The following KMT2C variants were observed in gnomAD, a reference collection of about 807,000 sequenced individuals.
The protein encoded by KMT2C is lysine methyltransferase 2C, also known as histone-lysine N-methyltransferase 2C.
KMT2C carries 88 observed loss-of-function variants against 507.9 expected under a neutral mutation model. The ratio of observed to expected loss-of-function variants is 0.17; its 90% CI spans 0.15 to 0.21. The LOEUF (loss-of-function observed/expected upper bound fraction) is 0.21, where lower values mean the gene tolerates loss of function less well. Ranked by LOEUF, KMT2C falls within the 10% of genes least tolerant of loss-of-function variation. The pLI is 1.00. For missense variants in KMT2C, 4,954 were observed against 5,957.8 expected, an observed-to-expected ratio of 0.83 and a Z score of 5.55; for synonymous variants, 2,049 against 2,080.8, an observed-to-expected ratio of 0.98 and a Z score of 0.42.
In KMT2C at chr7:152,138,795, C is replaced by T. The variant is rs747228358; in HGVS notation, c.14643+1G>A. 1 of 1,585,636 alleles carries T rather than the reference C, an allele frequency of 6.3e-7. No homozygotes were observed. The highest frequency in any genetic ancestry group is 8.6e-7 in the Non-Finnish European group (1 of 1,159,156). On this transcript the variant is annotated splice_donor_variant, in intron 58 of 58. Coordinates refer to ENST00000262189, the MANE Select transcript of KMT2C (RefSeq NM_170606.3). LOFTEE classifies it high-confidence loss of function. This position sits in a 1 kb window ranked among gnomAD's most constrained non-coding sequence, Gnocchi z 4.2. Reference sequence around the variant, plus strand: ...GCAGATGCAATCTCTCACACTCTTACCTCTTCTCCTTTCTGGATTCTCCGA... The same window carrying T: ...GCAGATGCAATCTCTCACACTCTTATCTCTTCTCCTTTCTGGATTCTCCGA...
rs58525872 is a variant in KMT2C, at chr7:152,188,624, TG to T, written c.4661-778del. On this transcript the variant is annotated intron_variant, in intron 31 of 58. Transcript: ENST00000262189. The stretch of plus-strand genomic sequence containing the variant: ...TCTTTCCTTTTTTTTTTTTTTTTTT[TG>T]TTTTTGAGATGGAGTCTCACTCTGT... Among the ~76,000 whole-genome samples, 980 of 128,458 alleles carry T rather than the reference TG, an allele frequency of 7.6e-3. 130 individuals are homozygous for T. Among genetic ancestry groups the T allele is most frequent in the African/African-American group, 0.031 (799 of 25,784 alleles). The allele number at this position is 128,458 out of a possible 152,430, so 84.3% of individuals were successfully genotyped here. A position where few individuals can be genotyped will look rare whatever the true frequency, so the allele number is the denominator to read the frequency against.
At chr7:152,353,192 A>T (rs181606414) in intron 2 of KMT2C, among the ~76,000 whole-genome samples, 4 of 152,154 alleles carry the variant, frequency 2.6e-5, no homozygotes, top group Non-Finnish European at 5.9e-5. Context: ...TGGGATGCCA[A>T]GGCAGGTGGA....
At chr7:152,435,122 A>G (rs764129947) in intron 1 of KMT2C, among the ~76,000 whole-genome samples, 10 of 152,092 alleles carry the variant, frequency 6.6e-5, no homozygotes, top group Non-Finnish European at 1.2e-4. Flanking sequence ...CTGACAAACA[A>G]AAGCTGCACT....
At chr7:152,195,518 T>C (rs1383703081) in intron 28 of KMT2C, 2 of 984,510 alleles carry the variant, frequency 2.0e-6, no homozygotes, top group Non-Finnish European at 2.4e-6. Flanking sequence ...GCTCAGTTTC[T>C]TACCAAATGG....
intron 2 of KMT2C, among the ~76,000 whole-genome samples, chr7:152,337,465 A>G (rs1563913247): frequency 6.6e-6 from 1 of 152,044 alleles, no homozygotes; most frequent in Non-Finnish European, 1.5e-5. Flanking sequence ...TTACTTTTCC[A>G]CCTCCAATGA....
At chr7:152,396,298 TA>T (rs988510466) in intron 1 of KMT2C, among the ~76,000 whole-genome samples, 3 of 152,138 alleles carry the variant, frequency 2.0e-5, no homozygotes, top group Non-Finnish European at 2.9e-5. Flanking sequence ...AAAAATTAAT[TA>T]AAAAATACAT....
intron 27 of KMT2C, among the ~76,000 whole-genome samples, 188 bp from the exon 28 acceptor site, chr7:152,196,199 A>C (rs1364109387): frequency 2.6e-5 from 4 of 152,218 alleles, no homozygotes; most frequent in Non-Finnish European, 4.4e-5. Flanking sequence ...AAAATTTACT[A>C]AAAATTCAGA....
chr7:152,326,705 CCT>C (rs2096831741), intron 3 of KMT2C, among the ~76,000 whole-genome samples: 1 of 151,922 alleles, frequency 6.6e-6, no homozygotes, highest in African/African-American at 2.4e-5. Flanking sequence ...ATGGTGAAAC[CCT>C]GTCTCTACTA....
intron 2 of KMT2C, among the ~76,000 whole-genome samples, chr7:152,333,150 G>GTT (rs1041291196): frequency 1.6e-4 from 24 of 151,978 alleles, no homozygotes; most frequent in Non-Finnish European, 3.4e-4. Flanking sequence ...GGGTTGGGTG[G>GTT]TTGTTTTTGT....
chr7:152,292,439 C>T (rs1231932319), intron 6 of KMT2C, among the ~76,000 whole-genome samples: 20 of 152,168 alleles, frequency 1.3e-4, no homozygotes. Context: ...AACTCTGACA[C>T]TGTAGTGCAA....
chr7:152,271,367 T>C (rs1588763042), intron 7 of KMT2C, among the ~76,000 whole-genome samples: 1 of 152,076 alleles, frequency 6.6e-6, no homozygotes, highest in Non-Finnish European at 1.5e-5. Context: ...GTAGTTAGAA[T>C]GCACTGCTTA....
intron 22 of KMT2C, among the ~76,000 whole-genome samples, chr7:152,221,753 G>A (rs973774807): frequency 1.3e-5 from 2 of 152,140 alleles, no homozygotes; most frequent in Admixed American, 1.3e-4. Flanking sequence ...TGAAACTAAA[G>A]CAAGTATGGC....
intron 5 of KMT2C, 59 bp from the exon 6 acceptor site, chr7:152,310,134 T>C (rs2096657423): frequency 8.8e-7 from 1 of 1,134,896 alleles, no homozygotes; most frequent in Non-Finnish European, 1.3e-6. Flanking sequence ...TTAAAGCTAA[T>C]AAATAAAGAC....
At chr7:152,237,199 A>AT (rs1341357767) in intron 15 of KMT2C, among the ~76,000 whole-genome samples, 3 of 152,240 alleles carry the variant, frequency 2.0e-5, no homozygotes, top group Non-Finnish European at 1.5e-5. Context: ...ATAATATGTC[A>AT]TATCTTCAAC....
intron 2 of KMT2C, among the ~76,000 whole-genome samples, chr7:152,347,845 ATT>A (rs1011967496): frequency 6.6e-6 from 1 of 152,052 alleles, no homozygotes; most frequent in Non-Finnish European, 1.5e-5. Flanking sequence ...CCATCTACGC[ATT>A]TTTTCAAATT....
At chr7:152,399,680 A>G (rs1038781044) in intron 1 of KMT2C, among the ~76,000 whole-genome samples, 1 of 152,148 alleles carries the variant, frequency 6.6e-6, no homozygotes, top group Non-Finnish European at 1.5e-5. Flanking sequence ...AAATGAGACT[A>G]AGATAACAAC....
At chr7:152,357,787 A>C (rs1217243055) in intron 2 of KMT2C, among the ~76,000 whole-genome samples, 1 of 152,234 alleles carries the variant, frequency 6.6e-6, no homozygotes, top group Non-Finnish European at 1.5e-5. Flanking sequence ...ATACCTATAT[A>C]ATAGCAACAC....
At position 152,235,836 on chromosome 7, in the gene KMT2C, C is replaced by T. The variant is rs749537549; in HGVS notation, c.2750G>A (p.Gly917Glu). The T allele has an allele frequency of 6.2e-6, 10 of 1,606,360 alleles. No homozygotes were observed. The highest frequency in any genetic ancestry group is 8.5e-6 in the Non-Finnish European group (10 of 1,174,858). ...CCTCACCCCAGGTAATACAACAGCT[C>T]CGATTCCACTTTTCAGCTTTGACCT... ...RGRSKLKSGI[G>E]AVVLPGVSTA... Residue 917 changes from glycine (G) to glutamate (E), a missense_variant, in exon 16 of 59, where the codon GGA (glycine) becomes GAA (glutamate). Transcript: ENST00000262189.
intron 1 of KMT2C, among the ~76,000 whole-genome samples, chr7:152,384,296 C>T (rs1420682637): frequency 2.6e-5 from 4 of 152,166 alleles, no homozygotes; most frequent in Non-Finnish European, 5.9e-5. Context: ...ACCCATACTA[C>T]CTCTAAAGCC....
Sources: gnomAD v4.1 joint callset for allele counts (sites outside exome capture counted in the v4.1 genomes callset) on GRCh38, gnomAD v4.1.1 for gene constraint, Gnocchi (gnomAD v3.1) non-coding constraint, MANE v1.5 for transcripts, NCBI Gene and HGNC (gene_info 2026-07-23, HGNC 2026-07-21) for gene names.